Variants in CFAP299 observed in about 807,000 individuals in gnomAD.
The protein encoded by CFAP299 is cilia- and flagella-associated protein 299.
Under a neutral mutation model 27.0 loss-of-function variants are expected in CFAP299, and 21 were observed. The observed-to-expected ratio is 0.78, with a 90% CI of 0.55 to 1.12. The LOEUF (loss-of-function observed/expected upper bound fraction) is 1.12. Ranked by LOEUF, CFAP299 falls within the 50% of genes most tolerant of loss-of-function variation. The pLI, the probability that CFAP299 is intolerant of heterozygous loss-of-function variation, is 0.00. For missense variants in CFAP299, 310 were observed against 276.6 expected, an observed-to-expected ratio of 1.12 and a Z score of -0.86; for synonymous variants, 104 against 98.1, an observed-to-expected ratio of 1.06 and a Z score of -0.36.
In CFAP299 at chr4:80,864,871, C is replaced by G. The variant is rs138638631; in HGVS notation, c.334-5122C>G. Among the ~76,000 whole-genome samples the G allele has an allele frequency of 4.4e-4, 67 of 152,270 alleles. No homozygotes were observed. The East Asian group carries it at 6.0e-3, about 14-fold the overall frequency. ...TAGCAAAATAGTGTTATTTAATTCA[C>G]ACACCAATTTAGGTATTATTATGCC... On this transcript the variant is annotated intron_variant, in intron 3 of 5. Transcript: ENST00000358105.
chr4:80,321,430 G>A, the CFAP299 span, among the ~76,000 whole-genome samples: 1 of 152,220 alleles, frequency 6.6e-6, no homozygotes, highest in South Asian at 2.1e-4. Context: ...AAAAATTCAG[G>A]GGAGATGCGG....
chr4:80,397,141 C>T (rs1255653268), intron 2 of CFAP299, among the ~76,000 whole-genome samples: 1 of 152,032 alleles, frequency 6.6e-6, no homozygotes, highest in Non-Finnish European at 1.5e-5. Context: ...TTATCCATTT[C>T]TTCTAGATTT....
At chr4:80,564,916 A>G (rs1396661050) in intron 2 of CFAP299, among the ~76,000 whole-genome samples, 26 of 152,058 alleles carry the variant, frequency 1.7e-4, no homozygotes, top group Admixed American at 1.6e-3. Flanking sequence ...CAATAACCAC[A>G]TATAAAATTA....
intron 3 of CFAP299, among the ~76,000 whole-genome samples, chr4:80,660,171 A>G (rs1031803731): frequency 1.1e-4 from 17 of 152,170 alleles, no homozygotes; most frequent in African/African-American, 4.1e-4. Flanking sequence ...TAGAACAGAC[A>G]GCATGATTTT....
chr4:80,460,412 A>G (rs972859897), intron 2 of CFAP299, among the ~76,000 whole-genome samples: 1 of 152,116 alleles, frequency 6.6e-6, no homozygotes, highest in Admixed American at 6.6e-5. Flanking sequence ...TGTCAAACAA[A>G]TATTATATAT....
chr4:80,502,634 C>T (rs973279968), intron 2 of CFAP299, among the ~76,000 whole-genome samples: 2 of 152,042 alleles, frequency 1.3e-5, no homozygotes, highest in African/African-American at 4.8e-5. Flanking sequence ...ACCATGTGAA[C>T]ACCTCTTTCT....
intron 3 of CFAP299, among the ~76,000 whole-genome samples, chr4:80,625,018 A>C (rs1329949714): frequency 6.6e-6 from 1 of 152,184 alleles, no homozygotes; most frequent in Non-Finnish European, 1.5e-5. Flanking sequence ...AGAAAAAAAC[A>C]CTAATAAGTC....
intron 4 of CFAP299, among the ~76,000 whole-genome samples, chr4:80,924,167 C>A (rs541678715): frequency 1.3e-5 from 2 of 151,958 alleles, no homozygotes; most frequent in South Asian, 2.1e-4. Context: ...GGGTGGGTGA[C>A]CTGAATCTCT....
intron 3 of CFAP299, among the ~76,000 whole-genome samples, chr4:80,670,678 A>G (rs1741425516): frequency 6.6e-6 from 1 of 152,162 alleles, no homozygotes; most frequent in African/African-American, 2.4e-5. Context: ...AATGATCACC[A>G]TTCTAACTGG....
At chr4:80,380,372 T>TA (rs1225903506) in intron 2 of CFAP299, among the ~76,000 whole-genome samples, 1 of 149,954 alleles carries the variant, frequency 6.7e-6, no homozygotes, top group African/African-American at 2.4e-5. Context: ...AAATTACATT[T>TA]AAAAAATTAT....
chr4:80,365,079 T>C (rs1723757568), intron 2 of CFAP299, among the ~76,000 whole-genome samples: 1 of 152,228 alleles, frequency 6.6e-6, no homozygotes. Flanking sequence ...CATGCATGTA[T>C]CTTTATAATA....
chr4:80,631,859 G>GC (rs34119726), intron 3 of CFAP299, among the ~76,000 whole-genome samples: 2,389 of 21,030 alleles, frequency 0.11, 422 homozygotes, highest in East Asian at 0.25. Flanking sequence ...GAATATTTGT[G>GC]CCCCACCCCC....
intron 2 of CFAP299, among the ~76,000 whole-genome samples, chr4:80,385,538 T>C (rs1314669412): frequency 6.6e-6 from 1 of 151,986 alleles, no homozygotes; most frequent in African/African-American, 2.4e-5. Flanking sequence ...GAGGTAGTTG[T>C]ATTGTAAGCC....
At chr4:80,606,217 C>T (rs1013846080) in intron 3 of CFAP299, among the ~76,000 whole-genome samples, 3 of 152,180 alleles carry the variant, frequency 2.0e-5, no homozygotes, top group Non-Finnish European at 2.9e-5. Context: ...CAGAAATACT[C>T]TGAGTATAGT....
chr4:80,380,446 T>C (rs1724644530), intron 2 of CFAP299, among the ~76,000 whole-genome samples: 1 of 148,366 alleles, frequency 6.7e-6, no homozygotes. Flanking sequence ...TTTTTTTTTT[T>C]AGATAGAATC....
At chr4:80,754,706 C>T (rs1354823602) in intron 3 of CFAP299, among the ~76,000 whole-genome samples, 1 of 152,042 alleles carries the variant, frequency 6.6e-6, no homozygotes, top group Non-Finnish European at 1.5e-5. Context: ...TTTCCAAGTG[C>T]TCTACATTCT....
intron 2 of CFAP299, among the ~76,000 whole-genome samples, chr4:80,512,605 G>T (rs1350572101): frequency 6.6e-6 from 1 of 152,086 alleles, no homozygotes; most frequent in Non-Finnish European, 1.5e-5. Flanking sequence ...AGTTACATAT[G>T]AACCTCAGGA....
At chr4:80,736,194 C>G (rs1294603713) in intron 3 of CFAP299, among the ~76,000 whole-genome samples, 2 of 152,106 alleles carry the variant, frequency 1.3e-5, no homozygotes, top group Non-Finnish European at 2.9e-5. Flanking sequence ...AGGTTTTCCT[C>G]TAGGGTTTTT....
At chr4:80,750,771 A>G (rs993266878) in intron 3 of CFAP299, among the ~76,000 whole-genome samples, 1 of 152,240 alleles carries the variant, frequency 6.6e-6, no homozygotes, top group Admixed American at 6.5e-5. Flanking sequence ...TTATTCTTCA[A>G]GAAAGACAAA....
Sources: allele counts gnomAD v4.1 joint callset (sites outside exome capture counted in the v4.1 genomes callset), GRCh38; gene constraint gnomAD v4.1.1; transcripts MANE v1.5; gene names NCBI Gene and HGNC (gene_info 2026-07-23, HGNC 2026-07-21).